SIN3A: variants seen among roughly 807,000 people sequenced by gnomAD.
The protein encoded by SIN3A is paired amphipathic helix protein Sin3a.
A neutral mutation model predicts 146.1 loss-of-function variants in SIN3A; 14 were observed. That is an observed-to-expected ratio of 0.10 (90% CI 0.06 to 0.15). The LOEUF (loss-of-function observed/expected upper bound fraction) is 0.15. Ranked by LOEUF, SIN3A falls within the 10% of genes least tolerant of loss-of-function variation. The pLI, the probability that SIN3A is intolerant of heterozygous loss-of-function variation, is 1.00. For missense variants in SIN3A, 1,028 were observed against 1,576.0 expected, an observed-to-expected ratio of 0.65 and a Z score of 5.89; for synonymous variants, 572 against 572.0, an observed-to-expected ratio of 1.00 and a Z score of 0.00.
intron 16 of SIN3A, among the ~76,000 whole-genome samples, chr15:75,385,945 T>A (rs146075026): frequency 2.0e-5 from 3 of 152,290 alleles, no homozygotes; most frequent in African/African-American, 7.2e-5. Flanking sequence ...TAAGATACAG[T>A]GTTTTAGGAG....
At chr15:75,419,881 TG>T (rs1178802493) in intron 3 of SIN3A, 1 of 152,116 alleles carries the variant, frequency 6.6e-6, no homozygotes, top group Non-Finnish European at 1.5e-5. Flanking sequence ...TTAAAAACTC[TG>T]CATGACACTC....
rs1323599205 is a variant in SIN3A, at chr15:75,394,776, C to T, written c.2181G>A (p.Lys727=). The change falls in exon 14 of 21, where the codon AAG becomes AAA. Residue 727 remains lysine, a synonymous_variant. Coordinates refer to ENST00000394947, the MANE Select transcript of SIN3A (RefSeq NM_001145358.2). ...AGTTGATCCCCTGGTGGTCCAGAGA[C>T]TTCAAGTAGTATTTCTCATTTTGTT... ...WREQNEKYYL[K]SLDHQGINFK... is the part of the protein sequence containing the mutation. 6.2e-7 allele frequency: 1 copy of T among 1,614,028 alleles called. No individual in the cohort carries two copies. Among genetic ancestry groups the T allele is most frequent in the Non-Finnish European group, 8.5e-7 (1 of 1,180,000 alleles).
chr15:75,415,854 G>GAAAAA (rs397946961), intron 3 of SIN3A: 3 of 96,250 alleles, frequency 3.1e-5, no homozygotes, highest in African/African-American at 4.3e-5. Context: ...TCGGTCTCAG[G>GAAAAA]AAAAAAAAAA....
chr15:75,385,261 T>C (rs560424637), intron 16 of SIN3A, among the ~76,000 whole-genome samples: 3 of 152,192 alleles, frequency 2.0e-5, no homozygotes, highest in Non-Finnish European at 4.4e-5. Context: ...AAATAGCTGC[T>C]GAATTATTGC....
intron 14 of SIN3A, among the ~76,000 whole-genome samples, chr15:75,394,165 T>G (rs952914297): frequency 6.6e-6 from 1 of 152,140 alleles, no homozygotes. Context: ...ATCACCCCAC[T>G]CCAGGAATTC....
At chr15:75,376,131 G>A (rs913579991) in intron 19 of SIN3A, 9 of 532,266 alleles carry the variant, frequency 1.7e-5, no homozygotes, top group Middle Eastern at 5.1e-4. Flanking sequence ...GAAACTTCTA[G>A]GCCTCTGTCT....
intron 2 of SIN3A, among the ~76,000 whole-genome samples, chr15:75,424,748 T>TAGA (rs1209691095): frequency 8.5e-5 from 13 of 152,120 alleles, no homozygotes; most frequent in Admixed American, 6.5e-5. Context: ...GCTGGGGTTA[T>TAGA]AGACGTAAGC....
intron 9 of SIN3A, among the ~76,000 whole-genome samples, chr15:75,404,020 ATAGACAAAGTAAAACTAGTC>A (rs1410371908): frequency 1.3e-5 from 2 of 152,262 alleles, no homozygotes; most frequent in Non-Finnish European, 2.9e-5. Context: ...GATCAATGGC[ATAGACAAAGTAAAACTAGTC>A]TAGCTAGATT....
At chr15:75,422,614 T>C in intron 3 of SIN3A, 33 bp downstream of exon 3, 1 of 1,611,724 alleles carries the variant, frequency 6.2e-7, no homozygotes, top group Non-Finnish European at 8.5e-7. Context: ...TAAAGATAAA[T>C]TTTTTGACCC....
intron 9 of SIN3A, 50 bp from the exon 10 acceptor site, chr15:75,402,020 G>C: frequency 8.0e-7 from 1 of 1,257,212 alleles, no homozygotes; most frequent in Non-Finnish European, 1.2e-6. Flanking sequence ...CTTAAAGTGG[G>C]GAACTGAAAA....
chr15:75,378,218 C>T (rs1381750935), intron 19 of SIN3A, among the ~76,000 whole-genome samples: 1 of 152,158 alleles, frequency 6.6e-6, no homozygotes, highest in Non-Finnish European at 1.5e-5. Flanking sequence ...ATTTTTACAA[C>T]TGCATGAAAA....
At chr15:75,426,888 T>C (rs2073934379) in intron 2 of SIN3A, among the ~76,000 whole-genome samples, 1 of 151,862 alleles carries the variant, frequency 6.6e-6, no homozygotes, top group African/African-American at 2.4e-5. Flanking sequence ...GCTGAGATCA[T>C]GCCACAGCCT....
chr15:75,401,954 C>G lies in SIN3A; in HGVS notation c.1424G>C (p.Arg475Pro). The stretch of plus-strand genomic sequence containing the variant: ...GAAATTTTCGTAGGCTTCTGCACTC[C>G]GAAGAGCCTTTCGGACCTTATGGAG... Reference protein sequence around the residue: ...LFFDKVRKALRSAEAYENFLR... With the variant: ...LFFDKVRKALPSAEAYENFLR... The change falls in exon 10 of 21, where the codon CGG becomes CCG. Residue 475 changes from arginine (R) to proline (P), a missense_variant. Coordinates refer to ENST00000394947, the MANE Select transcript of SIN3A (RefSeq NM_001145358.2). 1 of 1,611,726 alleles carries G rather than the reference C, an allele frequency of 6.2e-7. No homozygotes were observed. The highest frequency in any genetic ancestry group is 8.5e-7 in the Non-Finnish European group (1 of 1,178,006).
chr15:75,394,651 T>C (rs1175620157), intron 14 of SIN3A, 29 bp downstream of exon 14: 1 of 1,569,660 alleles, frequency 6.4e-7, no homozygotes, highest in South Asian at 1.2e-5. Context: ...ACTAGAGTCC[T>C]CTCACAGATG....
chr15:75,413,547 G>GTT (rs10713555), intron 4 of SIN3A, among the ~76,000 whole-genome samples: 4 of 141,212 alleles, frequency 2.8e-5, no homozygotes, highest in East Asian at 2.1e-4. Context: ...GCCACAATTT[G>GTT]TTTTTTTTTT....
chr15:75,407,336 TTAAG>T (rs1481145294), intron 8 of SIN3A, among the ~76,000 whole-genome samples, 192 bp from the exon 9 acceptor site: 2 of 152,220 alleles, frequency 1.3e-5, no homozygotes, highest in African/African-American at 4.8e-5. Context: ...AGTTTGCCTA[TTAAG>T]TTTCTTTCTA....
intron 12 of SIN3A, among the ~76,000 whole-genome samples, chr15:75,396,827 G>T (rs2073313996): frequency 6.6e-6 from 1 of 152,136 alleles, no homozygotes; most frequent in Admixed American, 6.5e-5. Context: ...CTTTGCTTAG[G>T]ACTACTGATT....
Position 75,380,661 on chromosome 15 carries a change from T to C in SIN3A, c.3351A>G (p.Glu1117=), listed in dbSNP as rs767261787. The change falls in exon 19 of 21, where the codon GAA becomes GAG. Residue 1117 remains glutamate, a synonymous_variant. Coordinates refer to ENST00000394947, the MANE Select transcript of SIN3A (RefSeq NM_001145358.2). ...GAAATACTGGTTTCTGTGCTAGATG[T>C]TCACGAAGCTCAGGCGAGGTAGTAT... ...NSDTTSPELR[E]HLAQKPVFLP... 6.2e-7 allele frequency: 1 copy of C among 1,614,074 alleles called. No individual in the cohort carries two copies. Among genetic ancestry groups the C allele is most frequent in the Non-Finnish European group, 8.5e-7 (1 of 1,179,962 alleles).
Position 75,392,779 on chromosome 15 carries a change from G to A in SIN3A, c.2314C>T (p.Pro772Ser), listed in dbSNP as rs145160587. 5.4e-5 allele frequency: 87 copies of A among 1,613,482 alleles called. No individual in the cohort carries two copies. Among genetic ancestry groups the A allele is most frequent in the Non-Finnish European group, 7.1e-5 (84 of 1,179,862 alleles). Reference protein sequence around the residue: ...EQATEENAGVPVGPHLSLAYE... With the variant: ...EQATEENAGVSVGPHLSLAYE... ...GCAAGTGAGAGGTGTGGGCCAACAG[G>A]TACACCAGCATTCTCCTCCGTAGCC... The change falls in exon 15 of 21, where the codon CCT becomes TCT. Residue 772 changes from proline to serine, a missense_variant. Physicochemically the swap from Pro to Ser is moderately conservative, Grantham distance 74 (BLOSUM62 -1). This residue lies in a region of SIN3A where 488 missense variants were observed against 690.2 expected (regional missense o/e 0.71). Transcript: ENST00000394947.
Sources: gnomAD v4.1 joint callset for allele counts (sites outside exome capture counted in the v4.1 genomes callset) on GRCh38, gnomAD v4.1.1 for gene constraint, gnomAD v4.1.1 regional missense constraint, MANE v1.5 for transcripts, NCBI Gene and HGNC (gene_info 2026-07-23, HGNC 2026-07-21) for gene names.